Variants in GPHN observed in about 807,000 individuals in gnomAD.
The protein encoded by GPHN is gephyrin.
A neutral mutation model predicts 95.5 loss-of-function variants in GPHN; 17 were observed. The ratio of observed to expected loss-of-function variants is 0.18; its 90% CI spans 0.12 to 0.27. The LOEUF (loss-of-function observed/expected upper bound fraction) is 0.27, where lower values mean the gene tolerates loss of function less well. Ranked by LOEUF, GPHN falls within the 10% of genes least tolerant of loss-of-function variation. The probability of loss-of-function intolerance (pLI) is 1.00; values close to 1 mark genes in which losing one functional copy is unlikely to be tolerated. For missense variants in GPHN, 660 were observed against 978.1 expected (o/e 0.67, Z 4.34); for synonymous variants, 320 against 322.5 (o/e 0.99, Z 0.08).
chr14:67,280,159 C>T, the GPHN span, among the ~76,000 whole-genome samples: 4 of 152,140 alleles, frequency 2.6e-5, no homozygotes, highest in African/African-American at 4.8e-5. Flanking sequence ...CTTCTTATCA[C>T]GGGACTTCTC....
chr14:66,676,764 CTA>C (rs2066616705), intron 1 of GPHN, among the ~76,000 whole-genome samples: 1 of 149,234 alleles, frequency 6.7e-6, no homozygotes, highest in Non-Finnish European at 1.5e-5. Flanking sequence ...ATACTGACCT[CTA>C]GTTTTTTTTG....
chr14:66,588,277 TGAG>T (rs1277041492), intron 1 of GPHN, among the ~76,000 whole-genome samples: 3 of 151,424 alleles, frequency 2.0e-5, no homozygotes, highest in African/African-American at 7.3e-5. Context: ...TCCACGAAGT[TGAG>T]GAGGAACCAG....
intron 12 of GPHN, among the ~76,000 whole-genome samples, chr14:67,089,879 G>A (rs2077077091): frequency 6.6e-6 from 1 of 152,110 alleles, no homozygotes; most frequent in Admixed American, 6.5e-5. Context: ...AACCCCAAAT[G>A]TAAATTCTGA....
the GPHN span, among the ~76,000 whole-genome samples, chr14:67,644,180 A>G: frequency 6.6e-6 from 1 of 152,360 alleles, no homozygotes; most frequent in East Asian, 1.9e-4. Flanking sequence ...AGAGGAAGAG[A>G]TAAGTGCATA....
chr14:66,792,907 CG>C (rs1302838332), intron 3 of GPHN, among the ~76,000 whole-genome samples: 1 of 152,246 alleles, frequency 6.6e-6, no homozygotes, highest in Non-Finnish European at 1.5e-5. Context: ...TTATGGGAAA[CG>C]AAGGGATGGG....
chr14:66,718,805 C>A (rs1253750343), intron 2 of GPHN, among the ~76,000 whole-genome samples: 1 of 152,180 alleles, frequency 6.6e-6, no homozygotes, highest in Non-Finnish European at 1.5e-5. Flanking sequence ...GCTGGCTTCA[C>A]CTCTCAGAAG....
chr14:67,041,923 G>A (rs1003134111), intron 10 of GPHN, among the ~76,000 whole-genome samples: 1 of 152,200 alleles, frequency 6.6e-6, no homozygotes, highest in Non-Finnish European at 1.5e-5. Flanking sequence ...ACTGGTATGA[G>A]ATGGTATCTC....
the GPHN span, among the ~76,000 whole-genome samples, chr14:67,442,580 C>T: frequency 6.6e-6 from 1 of 152,180 alleles, no homozygotes; most frequent in Non-Finnish European, 1.5e-5. Flanking sequence ...GTGTCCTGTC[C>T]TGGTTCTTGT....
At chr14:67,519,347 C>A in the GPHN span, among the ~76,000 whole-genome samples, 2 of 152,232 alleles carry the variant, frequency 1.3e-5, no homozygotes, top group Non-Finnish European at 2.9e-5. Context: ...AAAGGACTAG[C>A]ACAGCACAAG....
At chr14:67,359,446 C>G in the GPHN span, among the ~76,000 whole-genome samples, 1 of 152,190 alleles carries the variant, frequency 6.6e-6, no homozygotes, top group African/African-American at 2.4e-5. Flanking sequence ...CCTTTTCCTA[C>G]CGGCTGGGAT....
chr14:67,377,150 A>G, the GPHN span, among the ~76,000 whole-genome samples: 1 of 152,076 alleles, frequency 6.6e-6, no homozygotes, highest in Non-Finnish European at 1.5e-5. Context: ...TTTCTCTCTT[A>G]TCCAACATAG....
chr14:67,627,225 T>TA, the GPHN span, among the ~76,000 whole-genome samples: 1 of 144,616 alleles, frequency 6.9e-6, no homozygotes, highest in Admixed American at 7.2e-5. Flanking sequence ...TCTCAATAAT[T>TA]AAAAAACTAG....
chr14:67,651,950 A>G, the GPHN span, among the ~76,000 whole-genome samples: 1 of 152,088 alleles, frequency 6.6e-6, no homozygotes, highest in Non-Finnish European at 1.5e-5. Flanking sequence ...GTAGTATAGG[A>G]GCTTAAAAAT....
chr14:66,708,771 T>C (rs1327245219), intron 2 of GPHN, among the ~76,000 whole-genome samples: 1 of 152,114 alleles, frequency 6.6e-6, no homozygotes, highest in East Asian at 1.9e-4. Context: ...TACATAGTTT[T>C]CACATGACAT....
At chr14:66,681,996 C>T (rs2066964907) in intron 2 of GPHN, among the ~76,000 whole-genome samples, 1 of 152,140 alleles carries the variant, frequency 6.6e-6, no homozygotes, top group African/African-American at 2.4e-5. Context: ...ATGTAATATA[C>T]CCTCCCACGG....
At chr14:66,535,068 T>C (rs1231063821) in intron 1 of GPHN, among the ~76,000 whole-genome samples, 5 of 152,184 alleles carry the variant, frequency 3.3e-5, no homozygotes, top group Admixed American at 2.0e-4. Flanking sequence ...TACAGGATCA[T>C]GAAAATATTC....
At chr14:67,217,673 C>T in the GPHN span, among the ~76,000 whole-genome samples, 8 of 151,964 alleles carry the variant, frequency 5.3e-5, no homozygotes, top group African/African-American at 1.9e-4. Context: ...TTTTGTAAGG[C>T]CAATCTAGTG....
chr14:67,327,170 C>CA, the GPHN span, among the ~76,000 whole-genome samples: 8 of 149,960 alleles, frequency 5.3e-5, no homozygotes, highest in African/African-American at 7.3e-5. Context: ...GTAAGACTCT[C>CA]AAAAAAAAAG....
chr14:67,725,212 G>A, the GPHN span: 155 of 1,613,994 alleles, frequency 9.6e-5, no homozygotes, highest in African/African-American at 1.3e-3. Flanking sequence ...GGACCTATCC[G>A]ACACCAAATC....
Sources: gnomAD v4.1 joint callset for allele counts (sites outside exome capture counted in the v4.1 genomes callset) on GRCh38, gnomAD v4.1.1 for gene constraint, MANE v1.5 for transcripts, NCBI Gene and HGNC (gene_info 2026-07-23, HGNC 2026-07-21) for gene names.